PCNX2: variants seen among roughly 807,000 people sequenced by gnomAD.
The protein encoded by PCNX2 is pecanex 2.
In PCNX2, 168 loss-of-function variants were observed where a neutral mutation model predicts 223.8. That is an observed-to-expected ratio of 0.75 (90% CI 0.66 to 0.85). The LOEUF (loss-of-function observed/expected upper bound fraction) is 0.85, where lower values mean the gene tolerates loss of function less well. PCNX2 is among the 40% of genes least tolerant of loss of function. The pLI, the probability that PCNX2 is intolerant of heterozygous loss-of-function variation, is 0.00. For missense variants in PCNX2, 2,507 were observed against 2,675.5 expected (o/e 0.94, Z 1.39); for synonymous variants, 1,006 against 1,052.6 (o/e 0.96, Z 0.86).
rs967214588 is a variant in PCNX2, at chr1:232,990,259, CCTT to C, written c.5792-3722_5792-3720del. Among the ~76,000 whole-genome samples, 6 of 152,144 alleles carry C rather than the reference CCTT, an allele frequency of 3.9e-5. No homozygotes were observed. The highest frequency in any genetic ancestry group is 8.8e-5 in the Non-Finnish European group (6 of 68,024). On this transcript the variant is annotated intron_variant, in intron 32 of 33. Transcript: ENST00000258229. This position sits in a 1 kb window ranked among gnomAD's most constrained non-coding sequence, Gnocchi z 4.3. The stretch of plus-strand genomic sequence containing the variant: ...GCCGCCCCTCCCGTTGTGGTAGCCT[CCTT>C]CTTGGGCTTGCTCTCCTTGGAACCT...
intron 32 of PCNX2, among the ~76,000 whole-genome samples, chr1:232,988,036 G>T (rs1044172131): frequency 6.6e-6 from 1 of 152,350 alleles, no homozygotes; most frequent in East Asian, 1.9e-4. Context: ...ATTCGGGCCG[G>T]CCTGAAAGGT....
intron 25 of PCNX2, among the ~76,000 whole-genome samples, chr1:233,043,112 C>T (rs1256998367): frequency 1.3e-5 from 2 of 152,212 alleles, no homozygotes; most frequent in Non-Finnish European, 2.9e-5. Context: ...CCTCTTCAGA[C>T]AGTATTTTCA....
intron 23 of PCNX2, among the ~76,000 whole-genome samples, chr1:233,084,108 T>C (rs1673485126): frequency 6.6e-6 from 1 of 152,202 alleles, no homozygotes; most frequent in Non-Finnish European, 1.5e-5. Context: ...GGAGTGATCA[T>C]CTCATTTTAC....
At chr1:233,311,658 G>A in the PCNX2 span, among the ~76,000 whole-genome samples, 2 of 152,140 alleles carry the variant, frequency 1.3e-5, no homozygotes, top group African/African-American at 4.8e-5. Context: ...GGATCCATTT[G>A]TTACTGCAGC....
intron 24 of PCNX2, among the ~76,000 whole-genome samples, chr1:233,056,195 T>C (rs1672185763): frequency 6.6e-6 from 1 of 152,196 alleles, no homozygotes; most frequent in Non-Finnish European, 1.5e-5. Flanking sequence ...CCTGAGACAC[T>C]AATTAAAGAC....
intron 13 of PCNX2, among the ~76,000 whole-genome samples, chr1:233,200,493 C>T (rs993214407): frequency 1.4e-5 from 2 of 146,858 alleles, no homozygotes; most frequent in East Asian, 2.1e-4. Flanking sequence ...CAATCTTAGA[C>T]TCCTCTCACC....
chr1:233,028,563 G>C (rs1671161432), intron 25 of PCNX2, among the ~76,000 whole-genome samples: 2 of 152,248 alleles, frequency 1.3e-5, no homozygotes, highest in African/African-American at 4.8e-5. Flanking sequence ...GTGTTTGTAA[G>C]GAATGCAACT....
chr1:233,061,718 G>T (rs966452384), intron 23 of PCNX2, among the ~76,000 whole-genome samples: 2 of 151,774 alleles, frequency 1.3e-5, no homozygotes, highest in Admixed American at 6.6e-5. Flanking sequence ...AGTTTTGTTG[G>T]TTTTTTTCTT....
intron 19 of PCNX2, among the ~76,000 whole-genome samples, chr1:233,145,384 AT>A (rs1422808306): frequency 6.6e-6 from 1 of 152,154 alleles, no homozygotes; most frequent in African/African-American, 2.4e-5. Flanking sequence ...ATTATTGTGT[AT>A]TGTGTAAGAC....
At chr1:233,292,546 C>T (rs147331090) in intron 1 of PCNX2, among the ~76,000 whole-genome samples, 186 of 152,190 alleles carry the variant, frequency 1.2e-3, no homozygotes, top group African/African-American at 4.1e-3. Context: ...AAATTGTAAA[C>T]AAAAAGAAAA....
At position 233,069,486 on chromosome 1, in the gene PCNX2, A is replaced by G. The variant is rs182449651; in HGVS notation, c.4077-12196T>C. Among the ~76,000 whole-genome samples the G allele has an allele frequency of 1.1e-4, 17 of 152,286 alleles. No individual in the cohort carries two copies. In the East Asian group the frequency reaches 3.3e-3, roughly 29 times the overall value. On this transcript the variant is annotated intron_variant, in intron 23 of 33. Transcript: ENST00000258229. ...CATAAAATGATCTCCACAAATTCTT[A>G]AAAAATGAAATCATACAGAGTTTGT... is the stretch of plus-strand genomic sequence containing the variant.
Position 233,025,302 on chromosome 1 carries a change from C to T in PCNX2, c.4449G>A (p.Leu1483=), listed in dbSNP as rs768650344. ...GGTGAAAGGCAGCGTTGCAGGACAG[C>T]AGGTGAGGCAAGTGGCCTGGTTTGC... is the stretch of plus-strand genomic sequence containing the variant. ...CCCKPGHLPH[L]LSCNAAFHLR... The change falls in exon 26 of 34, where the codon CTG becomes CTA. Residue 1483 remains leucine, a synonymous_variant. Transcript: ENST00000258229. 5 of 1,614,030 alleles carry T rather than the reference C, an allele frequency of 3.1e-6. No individual in the cohort carries two copies. The highest frequency in any genetic ancestry group is 2.2e-5 in the South Asian group (2 of 91,092).
intron 23 of PCNX2, among the ~76,000 whole-genome samples, chr1:233,058,793 G>A (rs1672294806): frequency 6.7e-6 from 1 of 150,136 alleles, no homozygotes; most frequent in African/African-American, 2.5e-5. Context: ...AGCCTTCCCA[G>A]TAGCTGGGAT....
At chr1:233,110,652 C>G (rs1266001633) in intron 21 of PCNX2, among the ~76,000 whole-genome samples, 12 of 151,882 alleles carry the variant, frequency 7.9e-5, no homozygotes, top group African/African-American at 2.7e-4. Flanking sequence ...TCTAAAAGAG[C>G]AATTTTCCTC....
intron 26 of PCNX2, among the ~76,000 whole-genome samples, chr1:233,021,207 G>T (rs1487496463): frequency 1.3e-5 from 2 of 152,132 alleles, no homozygotes; most frequent in East Asian, 3.9e-4. Flanking sequence ...AACCTCGCAG[G>T]ATAGGCCTGG....
chr1:233,275,717 A>G (rs977562913), intron 1 of PCNX2, among the ~76,000 whole-genome samples: 2 of 152,180 alleles, frequency 1.3e-5, no homozygotes, highest in African/African-American at 4.8e-5. Flanking sequence ...CCCCATGTAC[A>G]TAGCAGCATT....
chr1:233,161,443 G>C, intron 17 of PCNX2, 80 bp from the exon 18 acceptor site: 1 of 1,212,842 alleles, frequency 8.2e-7, no homozygotes, highest in Non-Finnish European at 1.2e-6. Flanking sequence ...TCAAGCAGCA[G>C]GACATTGACC....
intron 1 of PCNX2, among the ~76,000 whole-genome samples, chr1:233,268,187 C>T (rs1180339296): frequency 2.0e-5 from 3 of 152,226 alleles, no homozygotes; most frequent in East Asian, 1.9e-4. Context: ...GCTGGGGTTA[C>T]AGGCTTGAGC....
intron 23 of PCNX2, among the ~76,000 whole-genome samples, chr1:233,083,226 C>A (rs552862452): frequency 2.1e-4 from 32 of 152,124 alleles, no homozygotes; most frequent in Admixed American, 1.5e-3. Context: ...TAGATGAGGC[C>A]GACTAGGATT....
Sources: allele counts gnomAD v4.1 joint callset (sites outside exome capture counted in the v4.1 genomes callset), GRCh38; gene constraint gnomAD v4.1.1; non-coding constraint Gnocchi (gnomAD v3.1); transcripts MANE v1.5; gene names NCBI Gene and HGNC (gene_info 2026-07-23, HGNC 2026-07-21).